Variants in CYRIB observed in about 807,000 individuals in gnomAD.
The protein encoded by CYRIB is CYFIP-related Rac1 interactor B.
In CYRIB, 8 loss-of-function variants were observed where a neutral mutation model predicts 44.2. The observed-to-expected ratio is 0.18, with a 90% confidence interval of 0.11 to 0.33. The LOEUF (loss-of-function observed/expected upper bound fraction) is 0.33, where lower values mean the gene tolerates loss of function less well. Among genes scored for constraint, CYRIB ranks in the 10% least tolerant of loss-of-function variants. CYRIB has a pLI of 1.00. For missense variants in CYRIB, 185 were observed against 382.8 expected, an observed-to-expected ratio of 0.48 and a Z score of 4.31; for synonymous variants, 131 against 127.2, an observed-to-expected ratio of 1.03 and a Z score of -0.20.
intron 1 of CYRIB, chr8:129,912,391 C>T (rs978384525): frequency 2.0e-5 from 3 of 152,064 alleles, no homozygotes; most frequent in African/African-American, 7.2e-5. Context: ...ACCACTCTCT[C>T]CACCTCTAGT....
At chr8:129,856,251 G>T (rs1415639539) in intron 5 of CYRIB, among the ~76,000 whole-genome samples, 1 of 152,094 alleles carries the variant, frequency 6.6e-6, no homozygotes, top group Non-Finnish European at 1.5e-5. Flanking sequence ...CTACTAAAGA[G>T]AACAAAATAT....
chr8:129,995,660 G>A (rs1456726540), intron 1 of CYRIB, among the ~76,000 whole-genome samples: 1 of 152,202 alleles, frequency 6.6e-6, no homozygotes, highest in East Asian at 1.9e-4. Context: ...GAGGGTTAGA[G>A]GTTAGTGATG....
At chr8:129,875,269 C>T (rs116084824) in intron 3 of CYRIB, among the ~76,000 whole-genome samples, 180 of 139,406 alleles carry the variant, frequency 1.3e-3, no homozygotes, top group African/African-American at 3.7e-3. Context: ...CCATTCAGTG[C>T]TTTTTTTTTT....
intron 3 of CYRIB, among the ~76,000 whole-genome samples, chr8:129,878,204 C>T (rs1419899091): frequency 6.6e-6 from 1 of 152,122 alleles, no homozygotes; most frequent in Non-Finnish European, 1.5e-5. Context: ...TCTTTACTAG[C>T]CTGTACACAG....
chr8:129,900,141 A>T (rs566533209), intron 2 of CYRIB, among the ~76,000 whole-genome samples: 2 of 152,310 alleles, frequency 1.3e-5, no homozygotes, highest in Non-Finnish European at 2.9e-5. Context: ...TAATTTTATG[A>T]AAGAAGGGAA....
rs566350338 is a variant in CYRIB, at chr8:129,990,405, C to T, written c.-295-19410G>A. 6.6e-5 allele frequency among the ~76,000 whole-genome samples: 10 copies of T among 151,758 alleles called. No homozygotes were observed. The South Asian group carries it at 1.0e-3, about 16-fold the overall frequency. On this transcript the variant is annotated intron_variant, in intron 1 of 14. Transcript: ENST00000401979. ...GTGTTCAGTAAATGACTGGTATATA[C>T]GTAATATGTATAATATTTCATGCTG...
At chr8:129,863,148 T>G (rs1441203420) in intron 4 of CYRIB, among the ~76,000 whole-genome samples, 1 of 152,172 alleles carries the variant, frequency 6.6e-6, no homozygotes, top group African/African-American at 2.4e-5. Flanking sequence ...CTAAGAAATT[T>G]CCAATAATTA....
chr8:129,909,570 T>G (rs958732262), intron 1 of CYRIB, among the ~76,000 whole-genome samples: 3 of 152,232 alleles, frequency 2.0e-5, no homozygotes, highest in African/African-American at 7.2e-5. Flanking sequence ...TGTACCACAT[T>G]TTTTCAAGCA....
At chr8:129,851,849 G>A (rs963834771) in intron 8 of CYRIB, 4 of 228,904 alleles carry the variant, frequency 1.7e-5, no homozygotes, top group Non-Finnish European at 3.4e-5. Flanking sequence ...TAAGTTGTAA[G>A]TTTTTGCCTG....
At chr8:129,975,079 C>G (rs898234251) in intron 1 of CYRIB, among the ~76,000 whole-genome samples, 2 of 152,088 alleles carry the variant, frequency 1.3e-5, no homozygotes, top group Admixed American at 6.5e-5. Flanking sequence ...CAGGGTTTCA[C>G]CATACTGGCC....
chr8:129,939,245 A>G lies in CYRIB; in HGVS notation c.-50+363T>C, dbSNP rs999110862. Among the ~76,000 whole-genome samples, 58 of 114,904 alleles carry G rather than the reference A, an allele frequency of 5.0e-4. No homozygotes were observed. In the South Asian group the frequency reaches 0.011, roughly 21 times the overall value. The allele number at this position is 114,904 out of a possible 152,430, so 75.4% of individuals were successfully genotyped here. On this transcript the variant is annotated intron_variant, in intron 1 of 11. Coordinates refer to ENST00000519824, the Ensembl canonical transcript of CYRIB. Reference sequence around the variant, plus strand: ...GGAGTGGTGGGAGCCAGGATTGGGGAGGGGGGACAACGCCGACACGGGAAG... The same window carrying G: ...GGAGTGGTGGGAGCCAGGATTGGGGGGGGGGGACAACGCCGACACGGGAAG...
intron 1 of CYRIB, among the ~76,000 whole-genome samples, chr8:129,906,260 A>G (rs1286553202): frequency 6.6e-6 from 1 of 152,212 alleles, no homozygotes; most frequent in Non-Finnish European, 1.5e-5. Flanking sequence ...AGAGATATAG[A>G]CCAATGGAAC....
chr8:129,895,188 A>G (rs1466396954), intron 2 of CYRIB, among the ~76,000 whole-genome samples: 4 of 150,504 alleles, frequency 2.7e-5, no homozygotes, highest in Non-Finnish European at 5.9e-5. Context: ...TTTTTTGTAG[A>G]GACAGGATCT....
chr8:130,009,134 G>C (rs867482653), intron 1 of CYRIB, among the ~76,000 whole-genome samples: 1 of 152,214 alleles, frequency 6.6e-6, no homozygotes, highest in African/African-American at 2.4e-5. Flanking sequence ...CAGGGAGTCG[G>C]GTCTGAATCA....
chr8:129,980,227 C>CAAA (rs58630436), intron 1 of CYRIB, among the ~76,000 whole-genome samples: 10 of 91,738 alleles, frequency 1.1e-4, no homozygotes, highest in South Asian at 3.4e-4. Context: ...GACTCCATCT[C>CAAA]AAAAAAAAAA....
At position 129,888,046 on chromosome 8, in the gene CYRIB, AG is replaced by A. The variant is rs550233014; in HGVS notation, c.-10-8576del. On this transcript the variant is annotated intron_variant, in intron 2 of 11. Transcript: ENST00000519824. ...ATGTGAGAAGGTCATGAGATTTGGG[AG>A]GGGCCAGGAACAGAATGATATGGTT... Among the ~76,000 whole-genome samples, 69 of 152,242 alleles carry A rather than the reference AG, an allele frequency of 4.5e-4. 1 individual carries two copies. The highest frequency in any genetic ancestry group is 1.7e-3 in the African/African-American group (69 of 41,540).
intron 1 of CYRIB, among the ~76,000 whole-genome samples, chr8:129,986,856 C>A (rs376959791): frequency 2.6e-5 from 4 of 152,340 alleles, no homozygotes; most frequent in African/African-American, 9.6e-5. Flanking sequence ...TGCCAGCCTC[C>A]AAGCCCCTTC....
chr8:129,882,769 G>A (rs1006739255), intron 2 of CYRIB, among the ~76,000 whole-genome samples: 3 of 152,024 alleles, frequency 2.0e-5, no homozygotes, highest in East Asian at 1.9e-4. Context: ...CCAGGCACCC[G>A]AGGCTAATGT....
intron 4 of CYRIB, among the ~76,000 whole-genome samples, chr8:129,862,539 C>T (rs1252087434): frequency 4.6e-5 from 7 of 151,888 alleles, no homozygotes; most frequent in East Asian, 1.9e-4. Context: ...GGCGTGATCT[C>T]GGCTCTCTAC....
Sources: allele counts gnomAD v4.1 joint callset (sites outside exome capture counted in the v4.1 genomes callset), GRCh38; gene constraint gnomAD v4.1.1; transcripts MANE v1.5; gene names NCBI Gene and HGNC (gene_info 2026-07-23, HGNC 2026-07-21).